The following CADPS2 variants were observed in gnomAD, a reference collection of about 807,000 sequenced individuals.
CADPS2 encodes the protein calcium-dependent secretion activator 2.
Under a neutral mutation model 172.5 loss-of-function variants are expected in CADPS2, and 93 were observed. The ratio of observed to expected loss-of-function variants is 0.54; its 90% CI spans 0.46 to 0.64. CADPS2 has a LOEUF of 0.64. Among genes scored for constraint, CADPS2 ranks in the 30% least tolerant of loss-of-function variants. The pLI, the probability that CADPS2 is intolerant of heterozygous loss-of-function variation, is 0.00. For missense variants in CADPS2, 1,420 were observed against 1,565.9 expected (o/e 0.91, Z 1.57); for synonymous variants, 546 against 555.2 (o/e 0.98, Z 0.23).
At chr7:122,643,344 T>C (rs1446363990) in intron 3 of CADPS2, among the ~76,000 whole-genome samples, 1 of 152,246 alleles carries the variant, frequency 6.6e-6, no homozygotes, top group Non-Finnish European at 1.5e-5. Flanking sequence ...AGCATAGCTC[T>C]ACCCAACTGA....
At chr7:122,729,592 T>C (rs1348974240) in intron 2 of CADPS2, among the ~76,000 whole-genome samples, 1 of 151,828 alleles carries the variant, frequency 6.6e-6, no homozygotes, top group South Asian at 2.1e-4. Context: ...TTCATTGTGG[T>C]TTTTATTTTT....
At chr7:122,356,521 G>T (rs992218725) in intron 27 of CADPS2, among the ~76,000 whole-genome samples, 1 of 151,958 alleles carries the variant, frequency 6.6e-6, no homozygotes, top group Non-Finnish European at 1.5e-5. Flanking sequence ...TGTACTCTTC[G>T]GAAGGAAGTT....
chr7:122,524,318 C>CT (rs112193370), intron 8 of CADPS2, among the ~76,000 whole-genome samples: 47 of 151,882 alleles, frequency 3.1e-4, no homozygotes, highest in Middle Eastern at 3.4e-3. Context: ...CCTTCATTTC[C>CT]TTTTTTTTGG....
At chr7:122,549,190 A>G (rs1297083723) in intron 8 of CADPS2, among the ~76,000 whole-genome samples, 1 of 152,120 alleles carries the variant, frequency 6.6e-6, no homozygotes, top group Non-Finnish European at 1.5e-5. Context: ...TGAGTGCAGT[A>G]GTTTGAGTCC....
intron 28 of CADPS2, 43 bp from the exon 29 acceptor site, chr7:122,325,624 GA>G: frequency 8.2e-7 from 1 of 1,212,160 alleles, no homozygotes. Context: ...AACAAAAAAA[GA>G]AAACAACCTC....
intron 1 of CADPS2, among the ~76,000 whole-genome samples, chr7:122,805,642 A>G (rs1406076767): frequency 6.6e-6 from 1 of 152,158 alleles, no homozygotes; most frequent in African/African-American, 2.4e-5. Flanking sequence ...CATAATCACC[A>G]TTCCTGGTTA....
intron 29 of CADPS2, among the ~76,000 whole-genome samples, chr7:122,322,151 ATAAAG>A (rs752223648): frequency 1.3e-5 from 2 of 152,354 alleles, no homozygotes; most frequent in Admixed American, 6.5e-5. Flanking sequence ...CATGTCAAAC[ATAAAG>A]TATTCACCTA....
chr7:122,833,207 T>A (rs1807142755), intron 1 of CADPS2, among the ~76,000 whole-genome samples: 1 of 152,202 alleles, frequency 6.6e-6, no homozygotes, highest in Non-Finnish European at 1.5e-5. Context: ...ATTCAAAACT[T>A]TGTCTAATCT....
rs565467419 is a variant in CADPS2, at chr7:122,477,550, A to C, written c.1862-3033T>G. On this transcript the variant is annotated intron_variant, in intron 12 of 29. Transcript: ENST00000449022. ...CGCCACCCCCGACCCCACCAAAAAA[A>C]AAAAAACAAAAAACAAAAAACCAAA... is the stretch of plus-strand genomic sequence containing the variant. Among the ~76,000 whole-genome samples, 220 of 152,036 alleles carry C rather than the reference A, an allele frequency of 1.4e-3. 1 individual carries two copies. The highest frequency in any genetic ancestry group is 4.3e-3 in the African/African-American group (179 of 41,490).
intron 14 of CADPS2, among the ~76,000 whole-genome samples, chr7:122,460,530 G>A (rs915448183): frequency 1.3e-5 from 2 of 152,028 alleles, no homozygotes; most frequent in Non-Finnish European, 2.9e-5. Context: ...GTCCTCTTTA[G>A]AGGGAAGCAT....
intron 3 of CADPS2, among the ~76,000 whole-genome samples, chr7:122,661,009 A>G (rs2080470598): frequency 6.6e-6 from 1 of 152,222 alleles, no homozygotes; most frequent in Non-Finnish European, 1.5e-5. Flanking sequence ...ATGGAGAAAG[A>G]GATACCATGT....
Position 122,320,785 on chromosome 7 carries a change from A to G in CADPS2, c.3718-447T>C, listed in dbSNP as rs368286311. 1.1e-4 allele frequency among the ~76,000 whole-genome samples: 17 copies of G among 152,316 alleles called. No homozygotes were observed. In the East Asian group the frequency reaches 3.1e-3, roughly 28 times the overall value. ...GGGGTCAGTTGTGTGGAGGAAGAAG[A>G]TTAATCCTATTATCGGTAAAAGAAG... On this transcript the variant is annotated intron_variant, in intron 29 of 29. Coordinates refer to ENST00000449022, the MANE Select transcript of CADPS2 (RefSeq NM_017954.11).
At chr7:122,774,691 T>C (rs986803232) in intron 1 of CADPS2, among the ~76,000 whole-genome samples, 1 of 152,166 alleles carries the variant, frequency 6.6e-6, no homozygotes, top group Non-Finnish European at 1.5e-5. Context: ...TTCTGTTAGA[T>C]TAGAATTTTT....
chr7:122,844,917 A>T (rs924580190), intron 1 of CADPS2, among the ~76,000 whole-genome samples: 2 of 151,970 alleles, frequency 1.3e-5, no homozygotes, highest in African/African-American at 4.8e-5. Context: ...AAAAAAAAAA[A>T]TCATTTTATT....
intron 3 of CADPS2, among the ~76,000 whole-genome samples, chr7:122,659,960 A>G (rs1355897338): frequency 6.6e-6 from 1 of 152,198 alleles, no homozygotes; most frequent in East Asian, 1.9e-4. Context: ...ACAAAAACTG[A>G]GAGACTGCAT....
In CADPS2 at chr7:122,861,363, A is replaced by G. The variant is rs145944394; in HGVS notation, c.339+24636T>C. On this transcript the variant is annotated intron_variant, in intron 1 of 29. Transcript: ENST00000449022. ...ATTTCCCCGATAATTAGTGATATTG[A>G]GCATTTTTTCATATATCTGTTGACC... 5.9e-3 allele frequency among the ~76,000 whole-genome samples: 901 copies of G among 152,298 alleles called. 8 individuals carry two copies. The highest frequency in any genetic ancestry group is 0.021 in the African/African-American group (864 of 41,568).
chr7:122,656,688 T>G (rs1235856821), intron 3 of CADPS2, among the ~76,000 whole-genome samples: 1 of 152,138 alleles, frequency 6.6e-6, no homozygotes, highest in African/African-American at 2.4e-5. Context: ...CTAAAAGAGC[T>G]GCAGGATGTA....
Position 122,490,148 on chromosome 7 carries a change from T to C in CADPS2, c.1785A>G (p.Pro595=). Residue 595 remains proline, a synonymous_variant, in exon 11 of 30, where the codon CCA becomes CCG. Transcript: ENST00000449022. ...MYRATGQSYK[P]VPAIQTQKLN... is the part of the protein sequence containing the mutation. ...GTTTCTGGGTTTGAATTGCAGGAAC[T>C]GGTTTATATGATTGACCTGTGGCCC... 6.2e-7 allele frequency: 1 copy of C among 1,613,570 alleles called. No individual in the cohort carries two copies. Among genetic ancestry groups the C allele is most frequent in the Non-Finnish European group, 8.5e-7 (1 of 1,179,592 alleles).
intron 2 of CADPS2, among the ~76,000 whole-genome samples, chr7:122,676,134 T>TCA (rs2082357732): frequency 6.6e-6 from 1 of 152,160 alleles, no homozygotes; most frequent in Non-Finnish European, 1.5e-5. Flanking sequence ...AAAGCCAACA[T>TCA]GATCCGAAAC....
Sources: allele counts gnomAD v4.1 joint callset (sites outside exome capture counted in the v4.1 genomes callset), GRCh38; gene constraint gnomAD v4.1.1; transcripts MANE v1.5; gene names NCBI Gene and HGNC (gene_info 2026-07-23, HGNC 2026-07-21).